Variants in CEP85L observed in about 807,000 individuals in gnomAD.
The protein encoded by CEP85L is centrosomal protein 85L, also known as centrosomal protein of 85 kDa-like.
CEP85L carries 60 observed loss-of-function variants against 100.3 expected under a neutral mutation model. The observed-to-expected ratio is 0.60, with a 90% CI of 0.49 to 0.74. CEP85L has a LOEUF of 0.74. CEP85L is among the 30% of genes least tolerant of loss of function. CEP85L has a pLI of 0.00. For missense variants in CEP85L, 973 were observed against 936.2 expected (o/e 1.04, Z -0.51); for synonymous variants, 319 against 322.7 (o/e 0.99, Z 0.12).
At chr6:118,623,482 A>T (rs1773582549) in intron 2 of CEP85L, among the ~76,000 whole-genome samples, 1 of 152,190 alleles carries the variant, frequency 6.6e-6, no homozygotes. Flanking sequence ...TTAAAGCTAC[A>T]ATAACTCAAG....
intron 1 of CEP85L, among the ~76,000 whole-genome samples, chr6:118,692,840 A>G (rs987294892): frequency 9.8e-6 from 1 of 102,530 alleles, no homozygotes; most frequent in South Asian, 3.1e-4. Context: ...GCAGGAAATC[A>G]TAAGGTAGTT....
At chr6:118,642,051 A>C (rs1384822484) in intron 1 of CEP85L, among the ~76,000 whole-genome samples, 1 of 152,222 alleles carries the variant, frequency 6.6e-6, no homozygotes, top group Admixed American at 6.5e-5. Flanking sequence ...CACTAAAAAA[A>C]AGGATGCCAA....
At position 118,487,061 on chromosome 6, in the gene CEP85L, G is replaced by GA. The variant is rs1305858120; in HGVS notation, c.1438-3204dup. ...ATTATACAAATTGGGTTGAGCCCTG[G>GA]AAAAAAAGAATAAAATGCTATAAGC... On this transcript the variant is annotated intron_variant, in intron 6 of 12. Transcript: ENST00000368491. Among the ~76,000 whole-genome samples the GA allele has an allele frequency of 3.3e-5, 5 of 151,868 alleles. No homozygotes were observed. The East Asian group carries it at 7.7e-4, about 23-fold the overall frequency.
At chr6:118,642,139 G>A (rs1213599322) in intron 1 of CEP85L, among the ~76,000 whole-genome samples, 1 of 152,122 alleles carries the variant, frequency 6.6e-6, no homozygotes, top group African/African-American at 2.4e-5. Flanking sequence ...TTTTAAAATT[G>A]ATAAAGTATA....
At chr6:118,652,562 T>A, upstream of CEP85L, 1 of 1,434,410 alleles carries the variant, frequency 7.0e-7, no homozygotes, top group South Asian at 1.4e-5. Flanking sequence ...AGGCTTTGAG[T>A]TCCGCTTTTC....
At position 118,463,025 on chromosome 6, in the gene CEP85L, G is replaced by A. The variant is rs1582833425; in HGVS notation, c.*2380C>T. 1.3e-5 allele frequency: 2 copies of A among 151,704 alleles called. No homozygotes were observed. The highest frequency in any genetic ancestry group is 1.9e-4 in the East Asian group (1 of 5,194). The allele number at this position is 151,704 out of a possible 1,614,324, so 9.4% of individuals were successfully genotyped here. ...ATCTTAACTCCCTTTTTTATGGGGG[G>A]AGGGTACAGATTTTGGAAACTGAAA... On this transcript the variant is annotated 3_prime_UTR_variant, in exon 13 of 13. Transcript: ENST00000368491.
intron 2 of CEP85L, among the ~76,000 whole-genome samples, chr6:118,580,914 C>CCT (rs907327626): frequency 5.3e-5 from 8 of 152,106 alleles, no homozygotes; most frequent in Non-Finnish European, 1.0e-4. Context: ...GGACAGTGAG[C>CCT]CTCTCTCTCT....
intron 2 of CEP85L, among the ~76,000 whole-genome samples, chr6:118,594,364 C>T (rs147007460): frequency 0.026 from 3,883 of 152,216 alleles, 78 homozygotes; most frequent in Non-Finnish European, 0.037. Context: ...TCAGTAAAAA[C>T]AACCAACTAA....
At chr6:118,649,339 G>A (rs1044732595) in intron 1 of CEP85L, among the ~76,000 whole-genome samples, 2 of 152,028 alleles carry the variant, frequency 1.3e-5, no homozygotes, top group South Asian at 4.1e-4. Context: ...CTTCAATTAG[G>A]GTAGTAATTA....
intron 1 of CEP85L, among the ~76,000 whole-genome samples, chr6:118,701,008 CA>C (rs1413383887): frequency 1.3e-5 from 2 of 152,130 alleles, no homozygotes; most frequent in Non-Finnish European, 2.9e-5. Flanking sequence ...GGGTGGCCAC[CA>C]GAGCATAACG....
chr6:118,513,759 TA>T (rs1314869173), intron 4 of CEP85L, among the ~76,000 whole-genome samples: 1 of 151,922 alleles, frequency 6.6e-6, no homozygotes, highest in African/African-American at 2.4e-5. Flanking sequence ...AAAAAAATGA[TA>T]AAGGAACACC....
At chr6:118,602,700 T>G (rs1031055616) in intron 2 of CEP85L, among the ~76,000 whole-genome samples, 1 of 152,262 alleles carries the variant, frequency 6.6e-6, no homozygotes, top group African/African-American at 2.4e-5. Context: ...AAGACCGATA[T>G]GCTTTATAAA....
chr6:118,609,677 A>G, intron 2 of CEP85L, among the ~76,000 whole-genome samples: 1 of 152,222 alleles, frequency 6.6e-6, no homozygotes, highest in Non-Finnish European at 1.5e-5. Flanking sequence ...AGAGATCAGA[A>G]CAAAATTCCT....
chr6:118,466,337 T>C (rs1772517309), intron 12 of CEP85L, among the ~76,000 whole-genome samples: 1 of 152,208 alleles, frequency 6.6e-6, no homozygotes, highest in South Asian at 2.1e-4. Flanking sequence ...TAACAAATGT[T>C]AACTGAACAT....
chr6:118,587,581 A>G (rs1284814701), intron 2 of CEP85L, among the ~76,000 whole-genome samples: 1 of 152,064 alleles, frequency 6.6e-6, no homozygotes, highest in African/African-American at 2.4e-5. Flanking sequence ...CTATAATGTA[A>G]AAAATAACAC....
rs1258495305 is a variant in CEP85L at position 118,465,437 on chromosome 6, G to C, written c.2386C>G (p.Gln796Glu). Reference protein sequence around the residue: ...LRTTISDRYAQDMGDNCITQ With the variant: ...LRTTISDRYAEDMGDNCITQ ...GTAATGCAGTTGTCTCCCATGTCCT[G>C]AGCATAGCGGTCTGATATTGTAGTC... Residue 796 changes from glutamine to glutamate, a missense_variant, in exon 13 of 13, where the codon CAG (glutamine) becomes GAG (glutamate). Around this residue, in one of 3 missense-constraint regions of CEP85L, gnomAD observed 890 missense variants for 844.5 expected, o/e 1.05. Transcript: ENST00000368491. 2 of 1,613,340 alleles carry C rather than the reference G, an allele frequency of 1.2e-6. No homozygotes were observed. The highest frequency in any genetic ancestry group is 1.7e-6 in the Non-Finnish European group (2 of 1,179,570).
chr6:118,462,164 C>CT lies in CEP85L; in HGVS notation c.*3240dup, dbSNP rs897306559. ...TCTACAACAAGCTATTGAAAGAAGT[C>CT]TAATTAGGTTTAATAAACTGTCACC... On this transcript the variant is annotated 3_prime_UTR_variant, in exon 13 of 13. Coordinates refer to ENST00000368491, the MANE Select transcript of CEP85L (RefSeq NM_001042475.3). 11 of 151,936 alleles carry CT rather than the reference C, an allele frequency of 7.2e-5. No homozygotes were observed. The highest frequency in any genetic ancestry group is 2.4e-4 in the African/African-American group (10 of 41,396). 9.4% of individuals were successfully genotyped at this position (151,936 alleles called of 1,614,324 possible).
At chr6:118,501,617 A>G (rs1775307931) in intron 5 of CEP85L, 2 of 614,232 alleles carry the variant, frequency 3.3e-6, no homozygotes, top group Non-Finnish European at 6.2e-6. Context: ...TAATGCCATG[A>G]TTTACAACAA....
At chr6:118,708,798 T>C (rs1777682744) in intron 1 of CEP85L, among the ~76,000 whole-genome samples, 1 of 152,138 alleles carries the variant, frequency 6.6e-6, no homozygotes, top group Non-Finnish European at 1.5e-5. Context: ...TCCCTACCAT[T>C]TTTCAGGCGA....
Sources: allele counts gnomAD v4.1 joint callset (sites outside exome capture counted in the v4.1 genomes callset), GRCh38; gene constraint gnomAD v4.1.1; regional missense constraint gnomAD v4.1.1; transcripts MANE v1.5; gene names NCBI Gene and HGNC (gene_info 2026-07-23, HGNC 2026-07-21).